PARD3B: variants seen among roughly 807,000 people sequenced by gnomAD.
The protein encoded by PARD3B is par-3 family cell polarity regulator beta.
In PARD3B, 103 loss-of-function variants were observed where a neutral mutation model predicts 130.2. The observed-to-expected ratio is 0.79, with a 90% CI of 0.67 to 0.93. PARD3B has a LOEUF of 0.93. Ranked by LOEUF, PARD3B falls within the 40% of genes least tolerant of loss-of-function variation. The probability of loss-of-function intolerance (pLI) is 0.00; values close to 1 mark genes in which losing one functional copy is unlikely to be tolerated. For synonymous variants in PARD3B, 583 were observed against 553.2 expected (o/e 1.05, Z -0.76); for missense variants, 1,609 against 1,499.2 (o/e 1.07, Z -1.21).
At chr2:204,990,469 C>G (rs1349897259) in intron 3 of PARD3B, among the ~76,000 whole-genome samples, 1 of 152,044 alleles carries the variant, frequency 6.6e-6, no homozygotes, top group African/African-American at 2.4e-5. Flanking sequence ...GTCACCGTAC[C>G]ATGCTGTTGA....
intron 20 of PARD3B, among the ~76,000 whole-genome samples, chr2:205,489,685 T>C (rs2106315796): frequency 6.6e-6 from 1 of 152,070 alleles, no homozygotes; most frequent in Non-Finnish European, 1.5e-5. Flanking sequence ...TTCTAAAATT[T>C]GAACACAGTC....
chr2:205,170,559 C>T (rs975728872), intron 11 of PARD3B, among the ~76,000 whole-genome samples: 24 of 152,112 alleles, frequency 1.6e-4, no homozygotes, highest in African/African-American at 5.6e-4. Flanking sequence ...CTAACACCCT[C>T]TCCAGCAGGC....
At chr2:204,788,294 A>G (rs899823592) in intron 2 of PARD3B, among the ~76,000 whole-genome samples, 9 of 152,320 alleles carry the variant, frequency 5.9e-5, no homozygotes, top group African/African-American at 2.2e-4. Flanking sequence ...AACAGAATCT[A>G]TGGAACATAT....
chr2:205,513,400 G>A (rs964373939), intron 21 of PARD3B, among the ~76,000 whole-genome samples: 2 of 152,032 alleles, frequency 1.3e-5, no homozygotes, highest in African/African-American at 4.8e-5. Context: ...GCGGGGAACA[G>A]ATGACAGGCA....
chr2:205,068,323 C>T lies in PARD3B; in HGVS notation c.504+20633C>T, dbSNP rs1400021996. 4.6e-5 allele frequency among the ~76,000 whole-genome samples: 7 copies of T among 152,126 alleles called. No individual in the cohort carries two copies. In the East Asian group the frequency reaches 1.2e-3, roughly 25 times the overall value. ...AGTCTTAAGATTTCAAAGTAATCTA[C>T]ACTTTATGTGTAGTTATGTTCTCCA... is the stretch of plus-strand genomic sequence containing the variant. On this transcript the variant is annotated intron_variant, in intron 4 of 22. Transcript: ENST00000406610.
chr2:204,845,100 G>A (rs2044408170), intron 2 of PARD3B, among the ~76,000 whole-genome samples: 1 of 152,116 alleles, frequency 6.6e-6, no homozygotes, highest in Non-Finnish European at 1.5e-5. Context: ...GAAAATAGAA[G>A]CATGTGTTAA....
intron 2 of PARD3B, among the ~76,000 whole-genome samples, chr2:204,866,447 A>G (rs1458293140): frequency 6.6e-6 from 1 of 152,198 alleles, no homozygotes; most frequent in African/African-American, 2.4e-5. Context: ...CCATGTTTAC[A>G]TACACAAACA....
At chr2:204,971,391 A>G (rs1172359376) in intron 3 of PARD3B, among the ~76,000 whole-genome samples, 1 of 152,142 alleles carries the variant, frequency 6.6e-6, no homozygotes, top group African/African-American at 2.4e-5. Flanking sequence ...TCTGACTACA[A>G]AGCATATAAG....
chr2:205,562,157 A>G lies in PARD3B; in HGVS notation c.3260+8754A>G, dbSNP rs889104295. ...AGGGGGTTAATGCTACTGCCACCTC[A>G]TTTTTATGTCACTTAGTTCCTCAGA... On this transcript the variant is annotated intron_variant, in intron 22 of 22. Coordinates refer to ENST00000406610, the MANE Select transcript of PARD3B (RefSeq NM_001302769.2). This position sits in a 1 kb window ranked among gnomAD's most constrained non-coding sequence, Gnocchi z 5.4. Among the ~76,000 whole-genome samples the G allele has an allele frequency of 6.6e-6, 1 of 152,180 alleles. No individual in the cohort carries two copies. The highest frequency in any genetic ancestry group is 1.5e-5 in the Non-Finnish European group (1 of 68,032).
intron 13 of PARD3B, among the ~76,000 whole-genome samples, chr2:205,182,354 C>T (rs1328221591): frequency 3.3e-5 from 5 of 150,062 alleles, no homozygotes; most frequent in Non-Finnish European, 7.4e-5. Context: ...CTTACCTCAA[C>T]AAACAAGGTA....
chr2:204,667,119 A>T (rs951909448), intron 1 of PARD3B, among the ~76,000 whole-genome samples: 1 of 152,148 alleles, frequency 6.6e-6, no homozygotes, highest in Non-Finnish European at 1.5e-5. Flanking sequence ...TGGCAGAAAG[A>T]CTTAATCATG....
chr2:205,342,225 A>G (rs1266405255), intron 18 of PARD3B, among the ~76,000 whole-genome samples: 1 of 152,174 alleles, frequency 6.6e-6, no homozygotes, highest in East Asian at 1.9e-4. Flanking sequence ...TCTGATAGGC[A>G]TTAGGAAGAT....
intron 2 of PARD3B, among the ~76,000 whole-genome samples, chr2:204,701,722 T>C (rs1467633059): frequency 6.6e-6 from 1 of 152,058 alleles, no homozygotes; most frequent in East Asian, 1.9e-4. Context: ...GAGGAAGCAA[T>C]TTTATTTTAT....
intron 2 of PARD3B, among the ~76,000 whole-genome samples, chr2:204,766,656 A>G (rs1171948446): frequency 6.6e-6 from 1 of 152,094 alleles, no homozygotes; most frequent in East Asian, 1.9e-4. Context: ...TCATCCTCAT[A>G]ACAATGAAAT....
At chr2:205,394,253 G>A (rs1254990888) in intron 18 of PARD3B, among the ~76,000 whole-genome samples, 1 of 152,110 alleles carries the variant, frequency 6.6e-6, no homozygotes, top group African/African-American at 2.4e-5. Flanking sequence ...AACCCTCTCT[G>A]AGGTTCTTGT....
In PARD3B at chr2:205,193,260, G is replaced by A. The variant is rs751017525; in HGVS notation, c.2080G>A (p.Val694Met). 1.9e-6 allele frequency: 3 copies of A among 1,613,598 alleles called. No homozygotes were observed. Among genetic ancestry groups the A allele is most frequent in the Non-Finnish European group, 2.5e-6 (3 of 1,179,498 alleles). Reference sequence around the variant, plus strand: ...AGATCAGCACATCAACTTCAGATCTGTGACACCGGCCAGGCAGCCTGAATC... The same window carrying A: ...AGATCAGCACATCAACTTCAGATCTATGACACCGGCCAGGCAGCCTGAATC... ...FPDQHINFRSVTPARQPESIN... is the reference protein window; with the variant it reads ...FPDQHINFRSMTPARQPESIN... The change falls in exon 15 of 23, where the codon GTG becomes ATG. Residue 694 changes from valine (V) to methionine (M), a missense_variant. By Grantham distance (21) the Val-to-Met change is conservative. Transcript: ENST00000406610.
chr2:204,750,386 C>G lies in PARD3B; in HGVS notation c.222+64104C>G, dbSNP rs115621429. Among the ~76,000 whole-genome samples the G allele has an allele frequency of 9.6e-3, 1,457 of 152,236 alleles. 28 individuals carry two copies. Among genetic ancestry groups the G allele is most frequent in the African/African-American group, 0.033 (1,381 of 41,538 alleles). ...TCACCTTGAGCTCAGCAGTTCAAGA[C>G]CAGCCTGGGCAACACGACAAAACCC... On this transcript the variant is annotated intron_variant, in intron 2 of 22. Coordinates refer to ENST00000406610, the MANE Select transcript of PARD3B (RefSeq NM_001302769.2).
intron 1 of PARD3B, among the ~76,000 whole-genome samples, chr2:204,614,739 G>GT (rs1161426367): frequency 3.3e-5 from 5 of 152,072 alleles, no homozygotes; most frequent in Admixed American, 2.0e-4. Flanking sequence ...AGATCTGGTT[G>GT]TTTAAAAGTG....
Position 205,325,782 on chromosome 2 carries a change from A to G in PARD3B, c.2630+24081A>G, listed in dbSNP as rs1451833288. On this transcript the variant is annotated intron_variant, in intron 18 of 22. Coordinates refer to ENST00000406610, the MANE Select transcript of PARD3B (RefSeq NM_001302769.2). This position sits in a 1 kb window ranked among gnomAD's most constrained non-coding sequence, Gnocchi z 4.1. ...TCACTTTGGAGGTAACTGGCTTCAGATAAGGTTATTGAATTTCATAGTCCA... is the reference window on the plus strand; with the variant it reads ...TCACTTTGGAGGTAACTGGCTTCAGGTAAGGTTATTGAATTTCATAGTCCA... 3.9e-5 allele frequency among the ~76,000 whole-genome samples: 6 copies of G among 152,194 alleles called. No homozygotes were observed. In the East Asian group the frequency reaches 9.6e-4, roughly 24 times the overall value.
Sources: gnomAD v4.1 joint callset for allele counts (sites outside exome capture counted in the v4.1 genomes callset) on GRCh38, gnomAD v4.1.1 for gene constraint, Gnocchi (gnomAD v3.1) non-coding constraint, MANE v1.5 for transcripts, NCBI Gene and HGNC (gene_info 2026-07-23, HGNC 2026-07-21) for gene names.